SEC31B: variants seen among roughly 807,000 people sequenced by gnomAD.
SEC31B encodes SEC31 homolog B, COPII component.
Under a neutral mutation model 135.0 loss-of-function variants are expected in SEC31B, and 113 were observed. The observed-to-expected ratio is 0.84, with a 90% CI of 0.72 to 0.98. The LOEUF (loss-of-function observed/expected upper bound fraction) is 0.98. Ranked by LOEUF, SEC31B falls within the 50% of genes least tolerant of loss-of-function variation. The pLI, the probability that SEC31B is intolerant of heterozygous loss-of-function variation, is 0.00. For missense variants in SEC31B, 1,296 were observed against 1,421.1 expected (o/e 0.91, Z 1.42); for synonymous variants, 508 against 549.4 (o/e 0.92, Z 1.05).
At chr10:100,506,984 G>A (rs889957861) in intron 7 of SEC31B, among the ~76,000 whole-genome samples, 1 of 152,122 alleles carries the variant, frequency 6.6e-6, no homozygotes, top group Non-Finnish European at 1.5e-5. Context: ...AGGTACCCAA[G>A]GAGATACAAA....
chr10:100,496,151 T>C (rs907397683), intron 18 of SEC31B, 107 bp downstream of exon 18: 22 of 1,200,862 alleles, frequency 1.8e-5, no homozygotes, highest in Middle Eastern at 4.1e-4. Context: ...CCATCTTATC[T>C]ATCCTAGGAG....
intron 11 of SEC31B, chr10:100,500,021 G>C: frequency 2.2e-6 from 1 of 454,752 alleles, no homozygotes. Flanking sequence ...ATTCCTTGCA[G>C]GGACTCCGGA....
At chr10:100,491,833 A>G (rs1341841191) in intron 19 of SEC31B, among the ~76,000 whole-genome samples, 1 of 152,268 alleles carries the variant, frequency 6.6e-6, no homozygotes, top group Non-Finnish European at 1.5e-5. Context: ...CTCTGCCCTC[A>G]TTAATGGATT....
At chr10:100,503,465 T>C (rs1472784259) in intron 10 of SEC31B, among the ~76,000 whole-genome samples, 6 of 151,816 alleles carry the variant, frequency 4.0e-5, no homozygotes. Context: ...TGGAGTTTTG[T>C]TCTTGTTGCC....
Position 100,489,395 on chromosome 10 carries a change from G to A in SEC31B, c.3028C>T (p.Pro1010Ser). The change falls in exon 23 of 26, where the codon CCA (proline) becomes TCA (serine). Residue 1010 changes from proline (P) to serine (S), a missense_variant. Transcript: ENST00000370345. ...PRGNLQRNKL[P>S]ETFMPPAPIT... ...GGTGCTGGGGGCATAAATGTCTCTG[G>A]CAGCTAAAGAGACAGAAGGAAAGAC... is the stretch of plus-strand genomic sequence containing the variant. 1 of 1,613,612 alleles carries A rather than the reference G, an allele frequency of 6.2e-7. No individual in the cohort carries two copies. The highest frequency in any genetic ancestry group is 8.5e-7 in the Non-Finnish European group (1 of 1,179,924).
In SEC31B at chr10:100,496,239, T is replaced by C; in HGVS notation, c.2310+19A>G. ...TGACTGAATGAAATGGTTTGCTCTC[T>C]CCACATGGCCCCACTTACCTGAGCA... On this transcript the variant is annotated intron_variant, in intron 18 of 25. Transcript: ENST00000370345. The C allele has an allele frequency of 6.2e-7, 1 of 1,612,570 alleles. No individual in the cohort carries two copies. Among genetic ancestry groups the C allele is most frequent in the Non-Finnish European group, 8.5e-7 (1 of 1,178,930 alleles).
intron 1 of SEC31B, among the ~76,000 whole-genome samples, chr10:100,518,485 A>AT (rs1346631372): frequency 1.3e-5 from 2 of 152,148 alleles, no homozygotes; most frequent in South Asian, 2.1e-4. Flanking sequence ...TCTTCCACTA[A>AT]TATGCAAGCT....
chr10:100,496,277 A>T lies in SEC31B; in HGVS notation c.2291T>A (p.Leu764Gln), dbSNP rs1239241451. The T allele has an allele frequency of 6.2e-7, 1 of 1,614,140 alleles. No individual in the cohort carries two copies. The highest frequency in any genetic ancestry group is 1.3e-5 in the African/African-American group (1 of 75,064). Reference protein sequence around the residue: ...QGSLATAMSFLPRDCAQPPVQ... With the variant: ...QGSLATAMSFQPRDCAQPPVQ... ...ACTTACCTGAGCACAGTCCCTGGGT[A>T]GAAAGCTCATGGCAGTGGCCAGGCT... Residue 764 changes from leucine to glutamine, a missense_variant, in exon 18 of 26, where the codon CTA (leucine) becomes CAA (glutamine). Coordinates refer to ENST00000370345, the MANE Select transcript of SEC31B (RefSeq NM_015490.4).
At position 100,489,254 on chromosome 10, in the gene SEC31B, G is replaced by A. The variant is rs750618282; in HGVS notation, c.3169C>T (p.Gln1057Ter). ...PPGVPGELSL[Q>*]LQHLPPEKME... is the part of the protein sequence containing the mutation. ...GGGGAATACATTGTCCTTGTCACCT[G>A]CAGGCTGAGTTCTCCTGGAACTCCT... The change falls in exon 23 of 26, where the codon CAG becomes TAG. Residue 1057 changes from glutamine to a stop codon, truncating the protein, a stop_gained and splice_region_variant. Coordinates refer to ENST00000370345, the MANE Select transcript of SEC31B (RefSeq NM_015490.4). LOFTEE classifies it high-confidence loss of function. 3.1e-6 allele frequency: 5 copies of A among 1,606,408 alleles called. No individual in the cohort carries two copies. Among genetic ancestry groups the A allele is most frequent in the Non-Finnish European group, 2.5e-6 (3 of 1,177,408 alleles).
At chr10:100,488,726 T>G in intron 24 of SEC31B, 132 bp downstream of exon 24, 1 of 1,241,978 alleles carries the variant, frequency 8.1e-7, no homozygotes, top group African/African-American at 1.5e-5. Context: ...GGACGTCAAT[T>G]AAGTACAAGA....
intron 1 of SEC31B, among the ~76,000 whole-genome samples, chr10:100,518,178 G>A (rs955906813): frequency 6.6e-6 from 1 of 152,136 alleles, no homozygotes; most frequent in African/African-American, 2.4e-5. Context: ...TTTGAGCCCT[G>A]CCCAAAGGCT....
Position 100,496,364 on chromosome 10 carries a change from C to G in SEC31B, c.2204G>C (p.Ser735Thr), listed in dbSNP as rs1423319823. 1 of 1,614,192 alleles carries G rather than the reference C, an allele frequency of 6.2e-7. No homozygotes were observed. The highest frequency in any genetic ancestry group is 1.7e-5 in the Admixed American group (1 of 60,030). ...CCTGTAGGTTGTGGCAGGGCCTGGG[C>G]TCACCCCATGAGGACCCCGCAGTTG... ...LEQLRGPHGVSPGPATTYRVT... is the reference protein window; with the variant it reads ...LEQLRGPHGVTPGPATTYRVT... The change falls in exon 18 of 26, where the codon AGC (serine) becomes ACC (threonine). Residue 735 changes from serine (S) to threonine (T), a missense_variant. By Grantham distance (58) the Ser-to-Thr change is moderately conservative. Transcript: ENST00000370345.
rs1052093121 is a variant in SEC31B at position 100,505,764 on chromosome 10, C to T, written c.1045-269G>A. 2.3e-5 allele frequency: 33 copies of T among 1,415,266 alleles called. No individual in the cohort carries two copies. The East Asian group carries it at 7.9e-4, about 34-fold the overall frequency. The allele number at this position is 1,415,266 out of a possible 1,614,324, so 87.7% of individuals were successfully genotyped here. On this transcript the variant is annotated intron_variant, in intron 9 of 25. Transcript: ENST00000370345. The stretch of plus-strand genomic sequence containing the variant: ...AGAAGAGAGAAAGATAAGAGTCATA[C>T]TCTTGAAATAACTGTCCCAGCAAAG...
chr10:100,507,657 C>A, intron 6 of SEC31B, 90 bp from the exon 7 acceptor site: 1 of 1,545,434 alleles, frequency 6.5e-7, no homozygotes, highest in South Asian at 1.2e-5. Context: ...TTTTCTGTCT[C>A]TTTTGTGACT....
Position 100,490,698 on chromosome 10 carries a change from T to C in SEC31B, c.2650+8A>G. ...TCTGCCCAGATAGATCTTCAGTGAC[T>C]CACTCACCAGGCCTTACCCCAGGGC... is the stretch of plus-strand genomic sequence containing the variant. On this transcript the variant is annotated splice_region_variant and intron_variant, in intron 20 of 25. Coordinates refer to ENST00000370345, the MANE Select transcript of SEC31B (RefSeq NM_015490.4). 6.4e-7 allele frequency: 1 copy of C among 1,560,090 alleles called. No homozygotes were observed. Among genetic ancestry groups the C allele is most frequent in the Non-Finnish European group, 8.7e-7 (1 of 1,150,968 alleles).
chr10:100,490,700 A>G lies in SEC31B; in HGVS notation c.2650+6T>C. 6.4e-7 allele frequency: 1 copy of G among 1,559,610 alleles called. No homozygotes were observed. Among genetic ancestry groups the G allele is most frequent in the Non-Finnish European group, 8.7e-7 (1 of 1,150,522 alleles). On this transcript the variant is annotated splice_donor_region_variant and intron_variant, in intron 20 of 25. Coordinates refer to ENST00000370345, the MANE Select transcript of SEC31B (RefSeq NM_015490.4). ...TGCCCAGATAGATCTTCAGTGACTCACTCACCAGGCCTTACCCCAGGGCTC... is the reference window on the plus strand; with the variant it reads ...TGCCCAGATAGATCTTCAGTGACTCGCTCACCAGGCCTTACCCCAGGGCTC...
Position 100,497,563 on chromosome 10 carries a change from G to A in SEC31B, c.1990+104C>T, listed in dbSNP as rs116958569. ...ATTCTAGCCCTGACAACATTGCCTC[G>A]CCTCCCACAGCTCAGTCTGCTCCTC... is the stretch of plus-strand genomic sequence containing the variant. On this transcript the variant is annotated intron_variant, in intron 16 of 25. Coordinates refer to ENST00000370345, the MANE Select transcript of SEC31B (RefSeq NM_015490.4). 858 of 1,582,020 alleles carry A rather than the reference G, an allele frequency of 5.4e-4. 1 individual carries two copies. In the Middle Eastern group the frequency reaches 7.8e-3, roughly 14 times the overall value.
At chr10:100,517,020 T>G (rs908358580) in intron 1 of SEC31B, 23 bp from the exon 2 acceptor site, 1 of 1,189,792 alleles carries the variant, frequency 8.4e-7, no homozygotes, top group African/African-American at 1.5e-5. Flanking sequence ...ACCAGCAAAC[T>G]TAACAGCCAG....
Position 100,490,287 on chromosome 10 carries a change from C to T in SEC31B, c.2686G>A (p.Val896Met), listed in dbSNP as rs750209056. The change falls in exon 21 of 26, where the codon GTG becomes ATG. Residue 896 changes from valine (V) to methionine (M), a missense_variant. Coordinates refer to ENST00000370345, the MANE Select transcript of SEC31B (RefSeq NM_015490.4). ...SQPQLLGGQR[V>M]QVPNPVGFPG... The stretch of plus-strand genomic sequence containing the variant: ...AATCCCACCGGGTTAGGAACTTGCA[C>T]CCTTTGCCCTCCTAATAGCTGTGGC... 1.6e-5 allele frequency: 26 copies of T among 1,613,794 alleles called. No individual in the cohort carries two copies. Among genetic ancestry groups the T allele is most frequent in the Non-Finnish European group, 2.0e-5 (24 of 1,179,856 alleles).
Sources: allele counts gnomAD v4.1 joint callset (sites outside exome capture counted in the v4.1 genomes callset), GRCh38; gene constraint gnomAD v4.1.1; transcripts MANE v1.5; gene names NCBI Gene and HGNC (gene_info 2026-07-23, HGNC 2026-07-21).